MBNL2: variants seen among roughly 807,000 people sequenced by gnomAD.
MBNL2 encodes muscleblind like splicing regulator 2.
In MBNL2, 17 loss-of-function variants were observed where a neutral mutation model predicts 41.9. That is an observed-to-expected ratio of 0.41 (90% CI 0.28 to 0.61). The LOEUF is 0.61. Among genes scored for constraint, MBNL2 ranks in the 20% least tolerant of loss-of-function variants. The pLI, the probability that MBNL2 is intolerant of heterozygous loss-of-function variation, is 0.35. For synonymous variants in MBNL2, 195 were observed against 182.9 expected (o/e 1.07, Z -0.53); for missense variants, 336 against 505.6 (o/e 0.66, Z 3.22).
At chr13:97,232,349 G>A (rs572917829) in intron 1 of MBNL2, among the ~76,000 whole-genome samples, 2 of 152,256 alleles carry the variant, frequency 1.3e-5, no homozygotes, top group Non-Finnish European at 2.9e-5. Context: ...CAGATGGCCG[G>A]TATTTTTATG....
chr13:97,194,246 A>C, the MBNL2 span, among the ~76,000 whole-genome samples: 2 of 152,218 alleles, frequency 1.3e-5, no homozygotes, highest in Admixed American at 1.3e-4. Context: ...TCCTTTTAGA[A>C]TATAAGTTCC....
intron 7 of MBNL2, among the ~76,000 whole-genome samples, chr13:97,359,128 C>T (rs773864821): frequency 2.0e-5 from 3 of 152,108 alleles, no homozygotes; most frequent in Non-Finnish European, 4.4e-5. Context: ...AGTGCTGTTA[C>T]AGCATAGCAG....
chr13:97,163,812 G>A, the MBNL2 span, among the ~76,000 whole-genome samples: 2 of 152,150 alleles, frequency 1.3e-5, no homozygotes, highest in East Asian at 3.9e-4. Context: ...AAGAAAAAGG[G>A]AAATTTGGAC....
intron 8 of MBNL2, among the ~76,000 whole-genome samples, chr13:97,379,888 G>T (rs2065281075): frequency 1.3e-5 from 2 of 152,186 alleles, no homozygotes; most frequent in African/African-American, 2.4e-5. Flanking sequence ...GGTGAAAATT[G>T]TGAGTTTTAT....
At chr13:97,333,298 G>C (rs557416706) in intron 2 of MBNL2, among the ~76,000 whole-genome samples, 69 of 152,210 alleles carry the variant, frequency 4.5e-4, no homozygotes, top group Middle Eastern at 3.4e-3. Flanking sequence ...TGGTAGTTTT[G>C]AAAACTTGGG....
rs557416176 is a variant in MBNL2 at position 97,303,661 on chromosome 13, G to T, written c.174+27252G>T. On this transcript the variant is annotated intron_variant, in intron 2 of 8. Transcript: ENST00000679496. ...TCCTCTCTCAGGCCTTCCTGCTCCG[G>T]TGGCAGAATGCCCCATTTTCTCAGG... Among the ~76,000 whole-genome samples the T allele has an allele frequency of 2.0e-5, 3 of 152,338 alleles. No individual in the cohort carries two copies. In the South Asian group the frequency reaches 6.2e-4, roughly 32 times the overall value.
At chr13:97,151,708 C>G in the MBNL2 span, among the ~76,000 whole-genome samples, 1 of 152,098 alleles carries the variant, frequency 6.6e-6, no homozygotes, top group East Asian at 1.9e-4. Flanking sequence ...GTTTACACAC[C>G]AAACTATCAG....
chr13:97,187,243 G>T, the MBNL2 span, among the ~76,000 whole-genome samples: 1 of 152,002 alleles, frequency 6.6e-6, no homozygotes, highest in East Asian at 1.9e-4. Flanking sequence ...GTTTATAAAA[G>T]ATAGTCTTAT....
At chr13:97,190,584 T>G in the MBNL2 span, among the ~76,000 whole-genome samples, 1 of 152,228 alleles carries the variant, frequency 6.6e-6, no homozygotes, top group East Asian at 1.9e-4. Context: ...GCTATAATTT[T>G]GTCCACATAC....
At chr13:97,298,480 AAGAT>A (rs1449451943) in intron 2 of MBNL2, among the ~76,000 whole-genome samples, 1 of 152,228 alleles carries the variant, frequency 6.6e-6, no homozygotes, top group Non-Finnish European at 1.5e-5. Context: ...TCTTCTCTAA[AAGAT>A]AGAAAATCTG....
At chr13:97,323,576 C>A (rs987659094) in intron 2 of MBNL2, among the ~76,000 whole-genome samples, 1 of 152,136 alleles carries the variant, frequency 6.6e-6, no homozygotes, top group African/African-American at 2.4e-5. Context: ...AGGTTATATG[C>A]AAATACTAGG....
chr13:97,299,637 G>A (rs1434299136), intron 2 of MBNL2, among the ~76,000 whole-genome samples: 1 of 124,634 alleles, frequency 8.0e-6, no homozygotes. Context: ...TAGAAATAAG[G>A]TAGAATTACT....
the MBNL2 span, among the ~76,000 whole-genome samples, chr13:97,179,150 G>A: frequency 0.092 from 14,062 of 152,084 alleles, 705 homozygotes; most frequent in South Asian, 0.16. Context: ...CTCCCTTAAC[G>A]TAATGCACCA....
the MBNL2 span, among the ~76,000 whole-genome samples, chr13:97,212,184 C>G: frequency 2.0e-5 from 3 of 152,122 alleles, no homozygotes; most frequent in Non-Finnish European, 2.9e-5. Flanking sequence ...AAACTAGAGG[C>G]CAAAGTGGTT....
At chr13:97,254,052 A>G (rs2047081856) in intron 1 of MBNL2, among the ~76,000 whole-genome samples, 1 of 152,000 alleles carries the variant, frequency 6.6e-6, no homozygotes, top group African/African-American at 2.4e-5. Context: ...ACCATGCCCA[A>G]CTAATTTTTG....
Position 97,299,829 on chromosome 13 carries a change from G to T in MBNL2, c.174+23420G>T, listed in dbSNP as rs117456652. On this transcript the variant is annotated intron_variant, in intron 2 of 8. Coordinates refer to ENST00000679496, the MANE Select transcript of MBNL2 (RefSeq NM_001382683.1). ...AACATTCTAAGAGATATATTCCATA[G>T]GTACATATGTAATGTGTTAATCAGG... 4.3e-3 allele frequency among the ~76,000 whole-genome samples: 648 copies of T among 152,190 alleles called. 3 individuals carry two copies. The highest frequency in any genetic ancestry group is 0.01 in the Middle Eastern group (3 of 294).
intron 5 of MBNL2, among the ~76,000 whole-genome samples, chr13:97,350,857 C>A (rs1273845583): frequency 2.0e-5 from 3 of 152,206 alleles, no homozygotes; most frequent in Non-Finnish European, 4.4e-5. Context: ...GAATTAACTT[C>A]TTCCAAACTC....
chr13:97,221,013 A>C (rs1165153571), upstream of MBNL2, among the ~76,000 whole-genome samples: 1 of 152,254 alleles, frequency 6.6e-6, no homozygotes, highest in Non-Finnish European at 1.5e-5. Context: ...CAAAGAATGT[A>C]AGTATAAAAA....
In MBNL2 at chr13:97,346,902, C is replaced by T. The variant is rs1476168800; in HGVS notation, c.639C>T (p.Asn213=). The T allele has an allele frequency of 1.2e-6, 2 of 1,614,082 alleles. No homozygotes were observed. The highest frequency in any genetic ancestry group is 1.1e-5 in the South Asian group (1 of 91,086). ...GCACCATGATCGACACAAGTGACAA[C>T]ACCGTAACCGTTTGTATGGATTACA... ...ADSTMIDTSD[N]TVTVCMDYIK... is the part of the protein sequence containing the mutation. The change falls in exon 5 of 9, where the codon AAC becomes AAT. Residue 213 remains asparagine, a synonymous_variant. Coordinates refer to ENST00000679496, the MANE Select transcript of MBNL2 (RefSeq NM_001382683.1). The surrounding 1 kb of genome is among the most constrained non-coding windows in gnomAD (Gnocchi z 4.2).
Sources: gnomAD v4.1 joint callset for allele counts (sites outside exome capture counted in the v4.1 genomes callset) on GRCh38, gnomAD v4.1.1 for gene constraint, Gnocchi (gnomAD v3.1) non-coding constraint, MANE v1.5 for transcripts, NCBI Gene and HGNC (gene_info 2026-07-23, HGNC 2026-07-21) for gene names.